The following CRYZL1 variants were observed in gnomAD, a reference collection of about 807,000 sequenced individuals.
The protein encoded by CRYZL1 is crystallin zeta like 1.
In CRYZL1, 34 loss-of-function variants were observed where a neutral mutation model predicts 50.6. The ratio of observed to expected loss-of-function variants is 0.67; its 90% confidence interval spans 0.51 to 0.89. The LOEUF is 0.89. Among genes scored for constraint, CRYZL1 ranks in the 40% least tolerant of loss-of-function variants. CRYZL1 has a pLI of 0.00. For synonymous variants in CRYZL1, 125 were observed against 134.3 expected (o/e 0.93, Z 0.48); for missense variants, 354 against 402.3 (o/e 0.88, Z 1.03).
intron 11 of CRYZL1, among the ~76,000 whole-genome samples, chr21:33,592,482 ACCCT>A (rs375119172): frequency 2.6e-5 from 4 of 152,244 alleles, no homozygotes; most frequent in African/African-American, 9.6e-5. Flanking sequence ...TGGATGTGGA[ACCCT>A]CAGATACAGG....
chr21:33,604,351 G>A (rs1485275412), intron 6 of CRYZL1, among the ~76,000 whole-genome samples: 4 of 68,012 alleles, frequency 5.9e-5, no homozygotes, highest in Admixed American at 2.5e-4. Flanking sequence ...GCGAGACTCC[G>A]TCTCAAAAAA....
rs529161273 is a variant in CRYZL1, at chr21:33,613,431, A to C, written c.331+107T>G. The C allele has an allele frequency of 8.3e-5, 60 of 725,988 alleles. 1 individual carries two copies. The East Asian group carries it at 1.4e-3, about 17-fold the overall frequency. 45.0% of individuals were successfully genotyped at this position (725,988 alleles called of 1,614,324 possible). On this transcript the variant is annotated intron_variant, in intron 6 of 12. Transcript: ENST00000381554. The stretch of plus-strand genomic sequence containing the variant: ...ATACATGACTGGCTAATGATACTTT[A>C]TTAAGTACAACACTTATGGTAGATT...
In CRYZL1 at chr21:33,589,816, A is replaced by C; in HGVS notation, c.*6T>G. On this transcript the variant is annotated 3_prime_UTR_variant, in exon 13 of 13. Transcript: ENST00000381554. ...TCATCCGACTGAGGTCTGAGAAAGA[A>C]GAAAATTAAAATTGAACAACTTGCT... 1 of 1,573,278 alleles carries C rather than the reference A, an allele frequency of 6.4e-7. No individual in the cohort carries two copies. Among genetic ancestry groups the C allele is most frequent in the Non-Finnish European group, 8.7e-7 (1 of 1,143,458 alleles).
chr21:33,592,080 T>C (rs771243826), intron 11 of CRYZL1, among the ~76,000 whole-genome samples: 14 of 151,952 alleles, frequency 9.2e-5, no homozygotes, highest in African/African-American at 2.9e-4. Context: ...GTAAATACTA[T>C]GTAGATAGTG....
At position 33,631,506 on chromosome 21, in the gene CRYZL1, T is replaced by C; in HGVS notation, c.46A>G (p.Thr16Ala). 6.6e-7 allele frequency: 1 copy of C among 1,525,046 alleles called. No homozygotes were observed. Among genetic ancestry groups the C allele is most frequent in the Non-Finnish European group, 8.8e-7 (1 of 1,142,238 alleles). 94.5% of individuals were successfully genotyped at this position (1,525,046 alleles called of 1,614,324 possible). A position where few individuals can be genotyped will look rare whatever the true frequency, so the allele number is the denominator to read the frequency against. Residue 16 changes from threonine (T) to alanine (A), a missense_variant, in exon 2 of 13, where the codon ACA becomes GCA. Coordinates refer to ENST00000381554, the MANE Select transcript of CRYZL1 (RefSeq NM_145858.3). ...FQQSSTDEEITFVFQEKEDLP... is the reference protein window; with the variant it reads ...FQQSSTDEEIAFVFQEKEDLP... ...CTTACCTTTTCTTGAAATACAAATGTTATTTCTTCATCTGTGGAACTCTGT... is the reference window on the plus strand; with the variant it reads ...CTTACCTTTTCTTGAAATACAAATGCTATTTCTTCATCTGTGGAACTCTGT...
In CRYZL1 at chr21:33,632,200, T is replaced by C. The variant is rs578240924; in HGVS notation, c.-6-643A>G. ...AAAAAAAATTAGCCAGGTGTGGCGG[T>C]GCGTGCCTGTAATCCTAGCTACTCA... On this transcript the variant is annotated intron_variant, in intron 1 of 12. Coordinates refer to ENST00000381554, the MANE Select transcript of CRYZL1 (RefSeq NM_145858.3). Among the ~76,000 whole-genome samples the C allele has an allele frequency of 3.4e-5, 5 of 146,448 alleles. No homozygotes were observed. The East Asian group carries it at 8.1e-4, about 24-fold the overall frequency.
chr21:33,609,719 G>A (rs192527256), intron 6 of CRYZL1, among the ~76,000 whole-genome samples: 1 of 151,568 alleles, frequency 6.6e-6, no homozygotes, highest in Non-Finnish European at 1.5e-5. Context: ...TTTTCAGACA[G>A]AGTCTCGCTC....
chr21:33,601,444 T>C (rs2086755770), intron 8 of CRYZL1, among the ~76,000 whole-genome samples: 1 of 152,134 alleles, frequency 6.6e-6, no homozygotes, highest in Admixed American at 6.6e-5. Flanking sequence ...TTGGAGAAGC[T>C]AGTTCTCTGA....
chr21:33,595,909 GAAA>G, intron 10 of CRYZL1, 73 bp from the exon 11 acceptor site: 1 of 970,264 alleles, frequency 1.0e-6, no homozygotes, highest in Non-Finnish European at 1.6e-6. Context: ...TCTCGAGTCA[GAAA>G]AACTTCTACA....
chr21:33,595,202 G>A, intron 11 of CRYZL1: 1 of 1,125,720 alleles, frequency 8.9e-7, no homozygotes, highest in Non-Finnish European at 1.1e-6. Context: ...ACTTATCTCT[G>A]AATGACTTTT....
chr21:33,593,800 T>C (rs137949851), intron 11 of CRYZL1, among the ~76,000 whole-genome samples: 1 of 151,966 alleles, frequency 6.6e-6, no homozygotes, highest in African/African-American at 2.4e-5. Context: ...TTGACCAACA[T>C]GGTGAAACTC....
chr21:33,595,350 TG>T, intron 11 of CRYZL1: 1 of 1,283,992 alleles, frequency 7.8e-7, no homozygotes, highest in South Asian at 1.3e-5. Context: ...GGAGTAAGTG[TG>T]CAACCTTTCA....
intron 6 of CRYZL1, among the ~76,000 whole-genome samples, chr21:33,607,722 T>C (rs1248864824): frequency 6.6e-6 from 1 of 152,036 alleles, no homozygotes; most frequent in Non-Finnish European, 1.5e-5. Flanking sequence ...AGGAAAGTAA[T>C]AGAAACTAAA....
At chr21:33,594,217 G>A (rs567712746) in intron 11 of CRYZL1, among the ~76,000 whole-genome samples, 12 of 149,432 alleles carry the variant, frequency 8.0e-5, no homozygotes, top group African/African-American at 2.5e-4. Context: ...GCAGTGGCGC[G>A]ATCTCAGCTC....
At chr21:33,634,506 C>T (rs2087179531) in intron 1 of CRYZL1, among the ~76,000 whole-genome samples, 1 of 152,082 alleles carries the variant, frequency 6.6e-6, no homozygotes, top group East Asian at 1.9e-4. Flanking sequence ...TCCATGCTTC[C>T]CGATTTCATT....
chr21:33,596,932 G>A (rs528168062), intron 10 of CRYZL1, among the ~76,000 whole-genome samples: 99 of 150,194 alleles, frequency 6.6e-4, no homozygotes, highest in South Asian at 1.5e-3. Flanking sequence ...GCGCAATCTC[G>A]GCTCACTACA....
intron 6 of CRYZL1, among the ~76,000 whole-genome samples, chr21:33,605,121 T>C (rs2086797086): frequency 6.6e-6 from 1 of 152,226 alleles, no homozygotes; most frequent in African/African-American, 2.4e-5. Context: ...CTGGAATTCC[T>C]TTTGTGAATT....
chr21:33,609,121 CAT>C (rs533237913), intron 6 of CRYZL1, among the ~76,000 whole-genome samples: 23 of 152,240 alleles, frequency 1.5e-4, no homozygotes, highest in East Asian at 7.7e-4. Flanking sequence ...TATTTTTTCA[CAT>C]GTCTTCTTTT....
At chr21:33,621,194 C>T (rs1286257268) in intron 4 of CRYZL1, among the ~76,000 whole-genome samples, 2 of 149,268 alleles carry the variant, frequency 1.3e-5, no homozygotes, top group African/African-American at 2.5e-5. Flanking sequence ...CGTGAGCCAC[C>T]GCGCCCGGCC....
Sources: gnomAD v4.1 joint callset for allele counts (sites outside exome capture counted in the v4.1 genomes callset) on GRCh38, gnomAD v4.1.1 for gene constraint, MANE v1.5 for transcripts, NCBI Gene and HGNC (gene_info 2026-07-23, HGNC 2026-07-21) for gene names.